RNGTT: variants seen among roughly 807,000 people sequenced by gnomAD.
RNGTT encodes the protein mRNA-capping enzyme.
A neutral mutation model predicts 79.3 loss-of-function variants in RNGTT; 33 were observed. That is an observed-to-expected ratio of 0.42 (90% CI 0.32 to 0.56). The LOEUF (loss-of-function observed/expected upper bound fraction) is 0.56. RNGTT is among the 20% of genes least tolerant of loss of function. RNGTT has a pLI of 0.17. For synonymous variants in RNGTT, 222 were observed against 235.9 expected (o/e 0.94, Z 0.54); for missense variants, 497 against 739.1 (o/e 0.67, Z 3.80).
intron 11 of RNGTT, among the ~76,000 whole-genome samples, chr6:88,842,396 A>G (rs1346442956): frequency 6.6e-6 from 1 of 152,172 alleles, no homozygotes; most frequent in Non-Finnish European, 1.5e-5. Context: ...AAAACAAACT[A>G]TGCAGCAGCA....
At chr6:88,941,430 G>A (rs1391545765) in intron 1 of RNGTT, among the ~76,000 whole-genome samples, 1 of 152,024 alleles carries the variant, frequency 6.6e-6, no homozygotes, top group East Asian at 1.9e-4. Flanking sequence ...ACCAAGCCCA[G>A]CTAATTTTTG....
intron 11 of RNGTT, among the ~76,000 whole-genome samples, chr6:88,831,732 T>C (rs1269438180): frequency 6.6e-6 from 1 of 152,178 alleles, no homozygotes; most frequent in Admixed American, 6.5e-5. Context: ...ATAAGCAACT[T>C]CAGCAAAGTC....
intron 13 of RNGTT, among the ~76,000 whole-genome samples, chr6:88,742,987 C>T (rs1378995835): frequency 6.6e-6 from 1 of 152,138 alleles, no homozygotes; most frequent in Non-Finnish European, 1.5e-5. Context: ...AAGAAATAGG[C>T]ATTACAGGGC....
At chr6:88,626,232 G>A (rs1772628417) in intron 14 of RNGTT, among the ~76,000 whole-genome samples, 1 of 151,980 alleles carries the variant, frequency 6.6e-6, no homozygotes, top group Non-Finnish European at 1.5e-5. Flanking sequence ...AGAAGCTGAA[G>A]CCAGAGAGTT....
At chr6:88,963,160 CCCATCCGCCGA>C (rs1451366274) in intron 1 of RNGTT, among the ~76,000 whole-genome samples, 175 bp downstream of exon 1, 2 of 151,628 alleles carry the variant, frequency 1.3e-5, no homozygotes, top group African/African-American at 4.9e-5. Flanking sequence ...ACAAGTGCCC[CCCATCCGCCGA>C]CCATCCCCTC....
intron 8 of RNGTT, among the ~76,000 whole-genome samples, chr6:88,885,052 AT>A (rs558382770): frequency 1.5e-3 from 222 of 152,270 alleles, no homozygotes; most frequent in African/African-American, 5.0e-3. Flanking sequence ...TGAAAAAAAA[AT>A]GTATGCATAC....
intron 6 of RNGTT, among the ~76,000 whole-genome samples, chr6:88,892,699 G>C (rs2127935566): frequency 6.6e-6 from 1 of 152,056 alleles, no homozygotes; most frequent in Non-Finnish European, 1.5e-5. Flanking sequence ...GTCCATAAAG[G>C]GACTGGCATC....
chr6:88,867,243 G>T (rs915590639), intron 8 of RNGTT, among the ~76,000 whole-genome samples: 2 of 152,112 alleles, frequency 1.3e-5, no homozygotes, highest in Non-Finnish European at 2.9e-5. Context: ...AGCACTTTGG[G>T]AAGCCAAGGC....
intron 4 of RNGTT, among the ~76,000 whole-genome samples, chr6:88,923,906 C>T (rs1389368395): frequency 6.6e-6 from 1 of 152,198 alleles, no homozygotes; most frequent in Non-Finnish European, 1.5e-5. Flanking sequence ...GCATTTCCAA[C>T]AAACAGGTCA....
chr6:88,809,828 C>G (rs1417140619), intron 11 of RNGTT, among the ~76,000 whole-genome samples: 1 of 152,010 alleles, frequency 6.6e-6, no homozygotes, highest in Non-Finnish European at 1.5e-5. Flanking sequence ...GTGGGAGGAT[C>G]ACTTAAGGCC....
intron 13 of RNGTT, among the ~76,000 whole-genome samples, chr6:88,724,656 G>A (rs940297933): frequency 5.9e-5 from 9 of 152,172 alleles, no homozygotes; most frequent in Non-Finnish European, 1.3e-4. Context: ...TCATAATAGA[G>A]TTCCTGCTCT....
Position 88,689,875 on chromosome 6 carries a change from C to T in RNGTT, c.1440-11456G>A, listed in dbSNP as rs58588716. 4.9e-3 allele frequency among the ~76,000 whole-genome samples: 657 copies of T among 133,240 alleles called. 4 individuals are homozygous for T. The highest frequency in any genetic ancestry group is 0.014 in the African/African-American group (541 of 39,566). The allele number at this position is 133,240 out of a possible 152,430, so 87.4% of individuals were successfully genotyped here. A position where few individuals can be genotyped will look rare whatever the true frequency, so the allele number is the denominator to read the frequency against. ...TCCCCAGAAAAACACGTAACAATTA[C>T]AAAAAAAAAAAAAATAGCAACTTTA... On this transcript the variant is annotated intron_variant, in intron 13 of 15. Transcript: ENST00000369485.
intron 13 of RNGTT, among the ~76,000 whole-genome samples, chr6:88,731,398 G>T (rs1416978305): frequency 6.6e-6 from 1 of 152,100 alleles, no homozygotes; most frequent in East Asian, 1.9e-4. Context: ...AAAAACCACA[G>T]TCTGAAGAGA....
chr6:88,864,583 T>C (rs1210213104), intron 8 of RNGTT, among the ~76,000 whole-genome samples: 1 of 152,096 alleles, frequency 6.6e-6, no homozygotes, highest in African/African-American at 2.4e-5. Context: ...AAGTGTCTGT[T>C]TCCTCACCAG....
intron 7 of RNGTT, 127 bp from the exon 8 acceptor site, chr6:88,890,723 T>C: frequency 3.8e-6 from 2 of 523,254 alleles, no homozygotes; most frequent in South Asian, 7.5e-5. Flanking sequence ...TAATGTCAGC[T>C]GGAATAACAT....
chr6:88,783,374 T>A (rs1340621918), intron 12 of RNGTT, among the ~76,000 whole-genome samples: 1 of 152,054 alleles, frequency 6.6e-6, no homozygotes, highest in Non-Finnish European at 1.5e-5. Context: ...GGATGGTGGC[T>A]GCCTGGAAAC....
chr6:88,792,420 G>A (rs1779452968), intron 12 of RNGTT, among the ~76,000 whole-genome samples: 1 of 152,160 alleles, frequency 6.6e-6, no homozygotes, highest in Admixed American at 6.5e-5. Context: ...AAAGGAAATT[G>A]ATGACAATGT....
At chr6:88,729,320 A>G (rs1444671578) in intron 13 of RNGTT, among the ~76,000 whole-genome samples, 2 of 152,056 alleles carry the variant, frequency 1.3e-5, no homozygotes, top group East Asian at 1.9e-4. Context: ...TCAAGTAACT[A>G]AAGTGGCACT....
At chr6:88,904,616 C>G in intron 6 of RNGTT, 99 bp downstream of exon 6, 3 of 1,360,100 alleles carry the variant, frequency 2.2e-6, no homozygotes, top group South Asian at 1.5e-5. Flanking sequence ...TCTGACAAAC[C>G]TAGCTAAAGA....
Sources: gnomAD v4.1 joint callset for allele counts (sites outside exome capture counted in the v4.1 genomes callset) on GRCh38, gnomAD v4.1.1 for gene constraint, MANE v1.5 for transcripts, NCBI Gene and HGNC (gene_info 2026-07-23, HGNC 2026-07-21) for gene names.